Variants in MMP17 observed in about 807,000 individuals in gnomAD.
MMP17 encodes matrix metallopeptidase 17.
Under a neutral mutation model 49.1 loss-of-function variants are expected in MMP17, and 54 were observed. The observed-to-expected ratio is 1.10, with a 90% confidence interval of 0.88 to 1.38. MMP17 has a LOEUF of 1.38. Ranked by LOEUF, MMP17 falls within the 40% of genes most tolerant of loss-of-function variation. The pLI is 0.00. For synonymous variants in MMP17, 397 were observed against 383.1 expected, an observed-to-expected ratio of 1.04 and a Z score of -0.42; for missense variants, 837 against 853.7, an observed-to-expected ratio of 0.98 and a Z score of 0.24.
At position 131,851,253 on chromosome 12, in the gene MMP17, G is replaced by A. The variant is rs771015640; in HGVS notation, c.1791G>A (p.Ala597=). ...TGTCACCAGGCGCCCTGTGGACAGC[G>A]GCCCAGGCCCTGACGCTATGACACA... ...PPLSPGALWT[A]AQALTL is the part of the protein sequence containing the mutation. Residue 597 remains alanine, a synonymous_variant, in exon 10 of 10, where the codon GCG becomes GCA. Coordinates refer to ENST00000360564, the MANE Select transcript of MMP17 (RefSeq NM_016155.7). 1.2e-5 allele frequency: 17 copies of A among 1,436,964 alleles called. No individual in the cohort carries two copies. The highest frequency in any genetic ancestry group is 7.3e-5 in the African/African-American group (5 of 68,662). 89.0% of individuals were successfully genotyped at this position (1,436,964 alleles called of 1,614,324 possible).
Position 131,849,818 on chromosome 12 carries a change from G to A in MMP17, c.1221G>A (p.Val407=), listed in dbSNP as rs777818507. Residue 407 remains valine, a synonymous_variant, in exon 9 of 10, where the codon GTG becomes GTA. Transcript: ENST00000360564. The part of the protein sequence containing the change: ...IVFFKGDRYW[V]FKDNNVEEGY... ...CGCCCCCAGGAGACAGGTACTGGGT[G>A]TTCAAGGACAATAACGTAGAGGAAG... 6 of 1,613,560 alleles carry A rather than the reference G, an allele frequency of 3.7e-6. No homozygotes were observed. The Admixed American group carries it at 1.0e-4, about 27-fold the overall frequency.
chr12:131,844,495 C>T (rs1004724934), intron 6 of MMP17: 5 of 268,070 alleles, frequency 1.9e-5, no homozygotes, highest in South Asian at 4.1e-5. Context: ...CCAACTGGGA[C>T]GGCCACTGGG....
chr12:131,850,593 G>A (rs1335414374), intron 9 of MMP17, among the ~76,000 whole-genome samples: 1 of 152,182 alleles, frequency 6.6e-6, no homozygotes, highest in Non-Finnish European at 1.5e-5. Context: ...AAGAGACTCT[G>A]AGGGTCTCCT....
At chr12:131,839,497 A>G (rs545570356) in intron 3 of MMP17, among the ~76,000 whole-genome samples, 2 of 151,568 alleles carry the variant, frequency 1.3e-5, no homozygotes, top group Admixed American at 1.3e-4. Context: ...CTTTTTTTTG[A>G]CACAGAGTCT....
chr12:131,850,847 C>G, intron 9 of MMP17, 78 bp from the exon 10 acceptor site: 4 of 1,169,868 alleles, frequency 3.4e-6, no homozygotes, highest in Non-Finnish European at 4.6e-6. Flanking sequence ...CTGAGCCCAA[C>G]GCTCCCTCCT....
chr12:131,829,068 C>T (rs1593217485), intron 1 of MMP17, among the ~76,000 whole-genome samples: 1 of 152,154 alleles, frequency 6.6e-6, no homozygotes, highest in Non-Finnish European at 1.5e-5. Context: ...GGCAGGAGCA[C>T]GCACCCACAA....
chr12:131,851,254 G>GC lies in MMP17; in HGVS notation c.1795dup (p.Gln599ProfsTer13). On this transcript the variant is annotated frameshift_variant, in exon 10 of 10. Coordinates refer to ENST00000360564, the MANE Select transcript of MMP17 (RefSeq NM_016155.7). LOFTEE classifies it high-confidence loss of function. Reference sequence around the variant, plus strand: ...GTCACCAGGCGCCCTGTGGACAGCGGCCCAGGCCCTGACGCTATGACACAC... The same window carrying GC: ...GTCACCAGGCGCCCTGTGGACAGCGGCCCCAGGCCCTGACGCTATGACACAC... 2 of 1,436,116 alleles carry GC rather than the reference G, an allele frequency of 1.4e-6. No individual in the cohort carries two copies. The highest frequency in any genetic ancestry group is 9.2e-7 in the Non-Finnish European group (1 of 1,091,890). The allele number at this position is 1,436,116 out of a possible 1,614,324, so 89.0% of individuals were successfully genotyped here.
chr12:131,834,877 T>G (rs1325673585), intron 1 of MMP17, among the ~76,000 whole-genome samples: 1 of 152,070 alleles, frequency 6.6e-6, no homozygotes, highest in Non-Finnish European at 1.5e-5. Flanking sequence ...CTGCCGCCTC[T>G]TCCCTGCAGG....
chr12:131,828,915 C>G (rs1382348057), intron 1 of MMP17, among the ~76,000 whole-genome samples: 2 of 152,070 alleles, frequency 1.3e-5, no homozygotes, highest in South Asian at 2.1e-4. Flanking sequence ...CCGCAGGAGC[C>G]CGTGGAGTTG....
intron 8 of MMP17, 41 bp downstream of exon 8, chr12:131,845,490 C>T: frequency 6.6e-7 from 1 of 1,525,008 alleles, no homozygotes; most frequent in South Asian, 1.2e-5. Context: ...TTCCCGGGCC[C>T]TCTGTCCGCC....
At position 131,838,316 on chromosome 12, in the gene MMP17, C is replaced by A; in HGVS notation, c.281C>A (p.Thr94Asn). 6.2e-7 allele frequency: 1 copy of A among 1,612,906 alleles called. No individual in the cohort carries two copies. The highest frequency in any genetic ancestry group is 8.5e-7 in the Non-Finnish European group (1 of 1,179,870). ...CAGCAGTTTGGTGGCCTGGAGGCCA[C>A]CGGCATCCTGGGTCAGTTCTCCAGG... ...AMQQFGGLEATGILDEATLAL... is the reference protein window; with the variant it reads ...AMQQFGGLEANGILDEATLAL... The change falls in exon 2 of 10, where the codon ACC (threonine) becomes AAC (asparagine). Residue 94 changes from threonine (T) to asparagine (N), a missense_variant. By Grantham distance (65) the Thr-to-Asn change is moderately conservative. Transcript: ENST00000360564.
chr12:131,850,580 GGAAA>G (rs1166610542), intron 9 of MMP17, among the ~76,000 whole-genome samples: 1 of 152,146 alleles, frequency 6.6e-6, no homozygotes, highest in African/African-American at 2.4e-5. Flanking sequence ...ATCCAGTAAG[GGAAA>G]GAGACTCTGA....
rs115276507 is a variant in MMP17 at position 131,844,933 on chromosome 12, G to T, written c.969-185G>T. ...GCTCAGAGCGTAGATCTCGGCCCCCGCCCGCTGAAGCGGTGGACAGGCACC... is the reference window on the plus strand; with the variant it reads ...GCTCAGAGCGTAGATCTCGGCCCCCTCCCGCTGAAGCGGTGGACAGGCACC... On this transcript the variant is annotated intron_variant, in intron 6 of 9. Coordinates refer to ENST00000360564, the MANE Select transcript of MMP17 (RefSeq NM_016155.7). 4,334 of 610,522 alleles carry T rather than the reference G, an allele frequency of 7.1e-3. 35 individuals carry two copies. The highest frequency in any genetic ancestry group is 0.035 in the African/African-American group (1,912 of 54,446). The allele number at this position is 610,522 out of a possible 1,614,324, so 37.8% of individuals were successfully genotyped here. A position where few individuals can be genotyped will look rare whatever the true frequency, so the allele number is the denominator to read the frequency against.
At chr12:131,829,299 C>T (rs926382728) in intron 1 of MMP17, among the ~76,000 whole-genome samples, 1 of 152,206 alleles carries the variant, frequency 6.6e-6, no homozygotes, top group Admixed American at 6.5e-5. Flanking sequence ...GAGAGCCTTC[C>T]TCACTCCACA....
chr12:131,851,172 C>A lies in MMP17; in HGVS notation c.1710C>A (p.Pro570=). The stretch of plus-strand genomic sequence containing the variant: ...CATGCACCTCTGGGGCATCCTCTCC[C>A]CCGGGGGCCCCAGGCCCACTGGTGG... ...VCSCTSGASS[P]PGAPGPLVAA... Residue 570 remains proline (P), a synonymous_variant, in exon 10 of 10, where the codon CCC becomes CCA. Coordinates refer to ENST00000360564, the MANE Select transcript of MMP17 (RefSeq NM_016155.7). 6.7e-7 allele frequency: 1 copy of A among 1,486,760 alleles called. No homozygotes were observed. The highest frequency in any genetic ancestry group is 1.3e-5 in the South Asian group (1 of 74,880). 92.1% of individuals were successfully genotyped at this position (1,486,760 alleles called of 1,614,324 possible).
At position 131,850,031 on chromosome 12, in the gene MMP17, G is replaced by T. The variant is rs200355949; in HGVS notation, c.1434G>T (p.Thr478=). Residue 478 remains threonine (T), a synonymous_variant, in exon 9 of 10, where the codon ACG becomes ACT. Transcript: ENST00000360564. ...QSPLWRGVPS[T]LDDAMRWSDG... is the part of the protein sequence containing the mutation. ...CCCTGTGGAGGGGTGTCCCCAGCAC[G>T]CTGGACGACGCCATGCGCTGGTCCG... 15 of 1,612,640 alleles carry T rather than the reference G, an allele frequency of 9.3e-6. No individual in the cohort carries two copies. Among genetic ancestry groups the T allele is most frequent in the Non-Finnish European group, 1.2e-5 (14 of 1,179,706 alleles).
Position 131,851,245 on chromosome 12 carries a change from T to C in MMP17, c.1783T>C (p.Trp595Arg). The change falls in exon 10 of 10, where the codon TGG becomes CGG. Residue 595 changes from tryptophan (W) to arginine (R), a missense_variant. Trp to Arg is a moderately radical substitution (Grantham distance 101, BLOSUM62 -3). Transcript: ENST00000360564. ...GCCGCCACTGTCACCAGGCGCCCTG[T>C]GGACAGCGGCCCAGGCCCTGACGCT... ...LLPPLSPGALWTAAQALTL is the reference protein window; with the variant it reads ...LLPPLSPGALRTAAQALTL The C allele has an allele frequency of 6.9e-7, 1 of 1,444,646 alleles. No individual in the cohort carries two copies. The highest frequency in any genetic ancestry group is 9.1e-7 in the Non-Finnish European group (1 of 1,095,980). 89.5% of individuals were successfully genotyped at this position (1,444,646 alleles called of 1,614,324 possible).
intron 1 of MMP17, among the ~76,000 whole-genome samples, chr12:131,829,884 G>T (rs1035282110): frequency 2.0e-5 from 3 of 152,230 alleles, no homozygotes; most frequent in Non-Finnish European, 4.4e-5. Context: ...TGCTGCCCGC[G>T]TCCAGGTGCC....
intron 1 of MMP17, among the ~76,000 whole-genome samples, chr12:131,830,129 G>A (rs575978951): frequency 2.6e-5 from 4 of 152,368 alleles, no homozygotes; most frequent in Middle Eastern, 6.8e-3. Context: ...CTCAAGGTGG[G>A]GCCCACACAC....
Sources: allele counts gnomAD v4.1 joint callset (sites outside exome capture counted in the v4.1 genomes callset), GRCh38; gene constraint gnomAD v4.1.1; transcripts MANE v1.5; gene names NCBI Gene and HGNC (gene_info 2026-07-23, HGNC 2026-07-21).